SSC4D: variants seen among roughly 807,000 people sequenced by gnomAD.
SSC4D encodes the protein scavenger receptor cysteine-rich domain-containing group B protein.
A neutral mutation model predicts 63.4 loss-of-function variants in SSC4D; 57 were observed. That is an observed-to-expected ratio of 0.90 (90% confidence interval 0.73 to 1.12). The LOEUF (loss-of-function observed/expected upper bound fraction) is 1.12. Ranked by LOEUF, SSC4D falls within the 50% of genes most tolerant of loss-of-function variation. The pLI is 0.00. For missense variants in SSC4D, 791 were observed against 806.4 expected, an observed-to-expected ratio of 0.98 and a Z score of 0.23; for synonymous variants, 352 against 345.4, an observed-to-expected ratio of 1.02 and a Z score of -0.21.
Position 76,409,411 on chromosome 7 carries a change from T to C in SSC4D, c.-67+3A>G, listed in dbSNP as rs1359192552. The C allele has an allele frequency of 3.3e-5, 5 of 152,348 alleles. No individual in the cohort carries two copies. The highest frequency in any genetic ancestry group is 7.3e-5 in the Non-Finnish European group (5 of 68,302). 9.4% of individuals were successfully genotyped at this position (152,348 alleles called of 1,614,324 possible). A position where few individuals can be genotyped will look rare whatever the true frequency, so the allele number is the denominator to read the frequency against. On this transcript the variant is annotated splice_donor_region_variant and intron_variant, in intron 1 of 10. Coordinates refer to ENST00000275560, the MANE Select transcript of SSC4D (RefSeq NM_080744.2). ...CACTCCAGCAAAAGTGAAGGATTCA[T>C]ACCTGGGGGAATGTTCTGGGCTCTT...
intron 1 of SSC4D, among the ~76,000 whole-genome samples, chr7:76,406,921 C>T (rs1030389858): frequency 1.3e-5 from 2 of 151,636 alleles, no homozygotes; most frequent in African/African-American, 4.8e-5. Flanking sequence ...TAATATTTTT[C>T]TCATTTTATT....
rs751529011 is a variant in SSC4D at position 76,393,855 on chromosome 7, G to C, written c.996C>G (p.Thr332=). Residue 332 remains threonine (T), a synonymous_variant, in exon 8 of 11, where the codon ACC becomes ACG. Coordinates refer to ENST00000275560, the MANE Select transcript of SSC4D (RefSeq NM_080744.2). The part of the protein sequence containing the change: ...QPSRETALLT[T]AAWAAGKKSG... ...TTTTCTTCCCCGCGGCCCAGGCGGC[G>C]GTGGTGAGCAGTGCTGTCTCCCGGG... The C allele has an allele frequency of 3.7e-6, 6 of 1,605,342 alleles. No individual in the cohort carries two copies. Among genetic ancestry groups the C allele is most frequent in the Non-Finnish European group, 4.3e-6 (5 of 1,175,652 alleles).
chr7:76,398,884 A>G (rs1356157289), intron 4 of SSC4D, 87 bp from the exon 5 acceptor site: 8 of 1,396,396 alleles, frequency 5.7e-6, no homozygotes, highest in Non-Finnish European at 8.0e-6. Flanking sequence ...GGATGGACCC[A>G]TAAGGTGCTT....
intron 10 of SSC4D, among the ~76,000 whole-genome samples, chr7:76,390,891 G>A (rs766270414): frequency 2.8e-4 from 43 of 152,230 alleles, no homozygotes; most frequent in Non-Finnish European, 5.1e-4. Context: ...GGAGGCTGAG[G>A]AGGGAGGACT....
chr7:76,409,352 CACACACAT>C (rs1276076262), intron 1 of SSC4D, 54 bp downstream of exon 1: 3 of 131,782 alleles, frequency 2.3e-5, no homozygotes, highest in African/African-American at 5.4e-5. Context: ...CACACACACA[CACACACAT>C]GCATGCACAC....
rs745471955 is a variant in SSC4D, at chr7:76,404,451, A to G, written c.-12T>C. ...GCTTCCTTGTGCATCTAGATGGTGAAGGGTGTTTCAGATGCTCCCATCAAG... is the reference window on the plus strand; with the variant it reads ...GCTTCCTTGTGCATCTAGATGGTGAGGGGTGTTTCAGATGCTCCCATCAAG... On this transcript the variant is annotated 5_prime_UTR_variant, in exon 2 of 11. Coordinates refer to ENST00000275560, the MANE Select transcript of SSC4D (RefSeq NM_080744.2). 6.2e-7 allele frequency: 1 copy of G among 1,613,954 alleles called. No individual in the cohort carries two copies. The highest frequency in any genetic ancestry group is 8.5e-7 in the Non-Finnish European group (1 of 1,179,992).
intron 5 of SSC4D, among the ~76,000 whole-genome samples, chr7:76,398,064 G>C (rs1444147062): frequency 6.6e-6 from 1 of 152,058 alleles, no homozygotes; most frequent in Non-Finnish European, 1.5e-5. Flanking sequence ...AGCCTGGGAC[G>C]TGCTGCCTTC....
At position 76,404,292 on chromosome 7, in the gene SSC4D, CAG is replaced by C. The variant is rs749345084; in HGVS notation, c.133+13_133+14del. 15 of 1,567,788 alleles carry C rather than the reference CAG, an allele frequency of 9.6e-6. No individual in the cohort carries two copies. Among genetic ancestry groups the C allele is most frequent in the East Asian group, 2.3e-5 (1 of 44,240 alleles). On this transcript the variant is annotated intron_variant, in intron 2 of 10. Transcript: ENST00000275560. ...AGAAAGAGGAAGTGGCAAGGGCTAACAGGGGAGGACTCACCCAGTGGCAGGAG... is the reference window on the plus strand; with the variant it reads ...AGAAAGAGGAAGTGGCAAGGGCTAACGGGAGGACTCACCCAGTGGCAGGAG...
At chr7:76,402,210 T>C (rs1466136416) in intron 2 of SSC4D, among the ~76,000 whole-genome samples, 2 of 138,632 alleles carry the variant, frequency 1.4e-5, no homozygotes, top group Non-Finnish European at 3.1e-5. Context: ...TGAGACAGAG[T>C]CTTACTCCAT....
rs745912872 is a variant in SSC4D, at chr7:76,400,324, T to C, written c.437A>G (p.Asn146Ser). 5.3e-6 allele frequency: 8 copies of C among 1,503,748 alleles called. No homozygotes were observed. Among genetic ancestry groups the C allele is most frequent in the South Asian group, 2.6e-5 (2 of 76,114 alleles). 93.2% of individuals were successfully genotyped at this position (1,503,748 alleles called of 1,614,324 possible). Residue 146 changes from asparagine (N) to serine (S), a missense_variant, in exon 4 of 11, where the codon AAT (asparagine) becomes AGT (serine). Asn to Ser is a conservative substitution (Grantham distance 46). Coordinates refer to ENST00000275560, the MANE Select transcript of SSC4D (RefSeq NM_080744.2). ...ECGSRGWGVHNCFHYEDVAVL... is the reference protein window; with the variant it reads ...ECGSRGWGVHSCFHYEDVAVL... ...AGCCACATCCTCGTAGTGAAAGCAATTGTGGACGCCCCAGCCGCGGCTGCC... is the reference window on the plus strand; with the variant it reads ...AGCCACATCCTCGTAGTGAAAGCAACTGTGGACGCCCCAGCCGCGGCTGCC...
chr7:76,391,522 C>T (rs746238711), intron 10 of SSC4D, among the ~76,000 whole-genome samples: 3 of 152,108 alleles, frequency 2.0e-5, no homozygotes, highest in African/African-American at 4.8e-5. Context: ...TTGAGTGATC[C>T]GCGACGTGTA....
rs998711354 is a variant in SSC4D at position 76,400,617 on chromosome 7, A to AG, written c.170-27dup. 71 of 1,432,728 alleles carry AG rather than the reference A, an allele frequency of 5.0e-5. No homozygotes were observed. In the African/African-American group the frequency reaches 8.9e-4, roughly 18 times the overall value. The allele number at this position is 1,432,728 out of a possible 1,614,324, so 88.8% of individuals were successfully genotyped here. A position where few individuals can be genotyped will look rare whatever the true frequency, so the allele number is the denominator to read the frequency against. On this transcript the variant is annotated intron_variant, in intron 3 of 10. Transcript: ENST00000275560. The stretch of plus-strand genomic sequence containing the variant: ...CTGTGAAGAGGGTGGAGCTGGCACC[A>AG]GGGGGTCACTGAGTCCAACCTCCAG...
At position 76,400,474 on chromosome 7, in the gene SSC4D, C is replaced by T. The variant is rs1414209134; in HGVS notation, c.287G>A (p.Cys96Tyr). Residue 96 changes from cysteine to tyrosine, a missense_variant, in exon 4 of 11, where the codon TGT becomes TAT. Physicochemically the swap from Cys to Tyr is radical, Grantham distance 194. Coordinates refer to ENST00000275560, the MANE Select transcript of SSC4D (RefSeq NM_080744.2). ...TGCCAGGCCACAGCCCAGCTGGCGA[C>T]ACACTACGTTGGCGTCCACCACGTC... ...DWDVVDANVVCRQLGCGLALP... is the reference protein window; with the variant it reads ...DWDVVDANVVYRQLGCGLALP... The T allele has an allele frequency of 2.5e-6, 4 of 1,608,096 alleles. No individual in the cohort carries two copies. The highest frequency in any genetic ancestry group is 3.4e-6 in the Non-Finnish European group (4 of 1,177,142).
intron 9 of SSC4D, among the ~76,000 whole-genome samples, chr7:76,392,271 G>A (rs1015487210): frequency 2.6e-5 from 4 of 152,080 alleles, no homozygotes; most frequent in African/African-American, 4.8e-5. Flanking sequence ...AAGTAAGGCC[G>A]GGCATGGTGG....
intron 1 of SSC4D, among the ~76,000 whole-genome samples, chr7:76,409,086 C>A (rs899143044): frequency 1.3e-5 from 2 of 152,126 alleles, no homozygotes; most frequent in Non-Finnish European, 2.9e-5. Flanking sequence ...CTATTGTTAT[C>A]ATTACTGTTT....
chr7:76,406,016 C>T (rs147634342), intron 1 of SSC4D, among the ~76,000 whole-genome samples: 230 of 150,628 alleles, frequency 1.5e-3, no homozygotes, highest in African/African-American at 5.3e-3. Context: ...GATGGAGTCT[C>T]GCTCTGTCGT....
rs866208896 is a variant in SSC4D, at chr7:76,404,585, G to C, written c.-66-80C>G. 5.6e-6 allele frequency: 7 copies of C among 1,241,994 alleles called. No individual in the cohort carries two copies. In the South Asian group the frequency reaches 8.9e-5, roughly 16 times the overall value. 76.9% of individuals were successfully genotyped at this position (1,241,994 alleles called of 1,614,324 possible). A position where few individuals can be genotyped will look rare whatever the true frequency, so the allele number is the denominator to read the frequency against. On this transcript the variant is annotated intron_variant, in intron 1 of 10. Transcript: ENST00000275560. ...GGTGGGAGGATTGCTTGCACCCAGG[G>C]GTTTGAGATCAGCCTGGGCAACATA...
intron 3 of SSC4D, 29 bp downstream of exon 3, chr7:76,400,979 G>A (rs1052973264): frequency 1.3e-6 from 2 of 1,551,178 alleles, no homozygotes; most frequent in East Asian, 4.9e-5. Flanking sequence ...GACAGGTGAG[G>A]GTGAGGAAGG....
At position 76,397,594 on chromosome 7, in the gene SSC4D, G is replaced by T. The variant is rs774638389; in HGVS notation, c.792C>A (p.Arg264=). ...AGCCCAGGCTCTGGCAGGCTGCCAG[G>T]CGGGGCTCGCCGCCTTCGCAGTGCA... The part of the protein sequence containing the change: ...DNVHCEGGEP[R]LAACQSLGWG... Residue 264 remains arginine (R), a synonymous_variant, in exon 6 of 11, where the codon CGC becomes CGA. Transcript: ENST00000275560. The T allele has an allele frequency of 1.9e-6, 3 of 1,607,996 alleles. No individual in the cohort carries two copies. Among genetic ancestry groups the T allele is most frequent in the African/African-American group, 1.3e-5 (1 of 74,864 alleles).
Sources: gnomAD v4.1 joint callset for allele counts (sites outside exome capture counted in the v4.1 genomes callset) on GRCh38, gnomAD v4.1.1 for gene constraint, MANE v1.5 for transcripts, NCBI Gene and HGNC (gene_info 2026-07-23, HGNC 2026-07-21) for gene names.